The following PMP22 variants were observed in gnomAD, a reference collection of about 807,000 sequenced individuals.
PMP22 encodes the protein Charcot-Marie-Tooth neuropathy 1A (greatly reduced nerve conduction velocity, hereditary motor sensory neuropathy Ia).
A neutral mutation model predicts 18.9 loss-of-function variants in PMP22; 2 were observed. The ratio of observed to expected loss-of-function variants is 0.11; its 90% CI spans 0.04 to 0.33. PMP22 has a LOEUF of 0.33. Among genes scored for constraint, PMP22 ranks in the 10% least tolerant of loss-of-function variants. The pLI, the probability that PMP22 is intolerant of heterozygous loss-of-function variation, is 1.00. For missense variants in PMP22, 169 were observed against 202.2 expected, an observed-to-expected ratio of 0.84 and a Z score of 1.00; for synonymous variants, 95 against 89.2, an observed-to-expected ratio of 1.07 and a Z score of -0.37.
In PMP22 at chr17:15,235,901, C is replaced by T. The variant is rs577910080; in HGVS notation, c.319+3570G>A. 7.9e-5 allele frequency among the ~76,000 whole-genome samples: 12 copies of T among 152,052 alleles called. No homozygotes were observed. The South Asian group carries it at 1.7e-3, about 21-fold the overall frequency. ...TCCCAAGTAGCTGGGACTACAGGCACGCACCACCACGCCTGGCTATTTTTT... is the reference window on the plus strand; with the variant it reads ...TCCCAAGTAGCTGGGACTACAGGCATGCACCACCACGCCTGGCTATTTTTT... On this transcript the variant is annotated intron_variant, in intron 4 of 4. Coordinates refer to ENST00000312280, the MANE Select transcript of PMP22 (RefSeq NM_000304.4).
intron 2 of PMP22, chr17:15,260,370 A>G (rs992791440): frequency 2.0e-6 from 1 of 509,882 alleles, no homozygotes; most frequent in African/African-American, 1.9e-5. Context: ...CAATCTTGTC[A>G]AATGAAGGTC....
intron 3 of PMP22, among the ~76,000 whole-genome samples, chr17:15,241,507 C>G (rs1299795095): frequency 6.6e-6 from 1 of 152,140 alleles, no homozygotes. Context: ...GAGACAATAT[C>G]TTAGATTTCC....
Position 15,260,811 on chromosome 17 carries a change from G to A in PMP22, c.-34-50C>T, listed in dbSNP as rs973880619. 6 of 1,256,104 alleles carry A rather than the reference G, an allele frequency of 4.8e-6. No individual in the cohort carries two copies. The East Asian group carries it at 1.0e-4, about 21-fold the overall frequency. The allele number at this position is 1,256,104 out of a possible 1,614,324, so 77.8% of individuals were successfully genotyped here. ...GGCCGAACGCACTGGGCCGAGCGAC[G>A]GAGGCGCGCGCAGAGGGAGGGTCCC... On this transcript the variant is annotated intron_variant, in intron 1 of 4. Coordinates refer to ENST00000312280, the MANE Select transcript of PMP22 (RefSeq NM_000304.4).
intron 3 of PMP22, among the ~76,000 whole-genome samples, chr17:15,244,498 A>T (rs1287902814): frequency 1.3e-5 from 2 of 152,348 alleles, no homozygotes; most frequent in African/African-American, 2.4e-5. Flanking sequence ...TCCTGGAAAA[A>T]CAGTGAACAT....
At chr17:15,242,231 C>A (rs56857955) in intron 3 of PMP22, among the ~76,000 whole-genome samples, 7,861 of 117,678 alleles carry the variant, frequency 0.067, 665 homozygotes, top group African/African-American at 0.21. Context: ...CCAGCCTGGG[C>A]ACAGAGAGAG....
chr17:15,260,318 C>T, intron 2 of PMP22: 1 of 364,618 alleles, frequency 2.7e-6, no homozygotes, highest in Admixed American at 3.8e-5. Flanking sequence ...ATAAATACTC[C>T]TCTTCTTCAA....
At position 15,236,368 on chromosome 17, in the gene PMP22, G is replaced by A. The variant is rs145707388; in HGVS notation, c.319+3103C>T. The stretch of plus-strand genomic sequence containing the variant: ...TCATGTGCTTTTCCTGAAAGCTGAT[G>A]TGTGCCATCCATAAAGATCACAGCT... On this transcript the variant is annotated intron_variant, in intron 4 of 4. Transcript: ENST00000312280. 2.7e-3 allele frequency among the ~76,000 whole-genome samples: 408 copies of A among 152,230 alleles called. 2 individuals are homozygous for A. The highest frequency in any genetic ancestry group is 9.0e-3 in the African/African-American group (375 of 41,544).
At chr17:15,249,527 T>A (rs1439121171) in intron 3 of PMP22, among the ~76,000 whole-genome samples, 3 of 152,188 alleles carry the variant, frequency 2.0e-5, no homozygotes, top group African/African-American at 7.2e-5. Flanking sequence ...AGACTTAGAA[T>A]CCACAAAAAC....
At chr17:15,243,987 A>G (rs534533123) in intron 3 of PMP22, among the ~76,000 whole-genome samples, 1 of 152,164 alleles carries the variant, frequency 6.6e-6, no homozygotes, top group Admixed American at 6.5e-5. Flanking sequence ...GGGGAAAAAT[A>G]CAACAGACAA....
At chr17:15,242,307 A>G (rs1042208352) in intron 3 of PMP22, among the ~76,000 whole-genome samples, 1 of 151,522 alleles carries the variant, frequency 6.6e-6, no homozygotes, top group Non-Finnish European at 1.5e-5. Flanking sequence ...CTAATATAAT[A>G]GATACACCTA....
At chr17:15,248,983 G>T (rs1399749365) in intron 3 of PMP22, among the ~76,000 whole-genome samples, 1 of 152,194 alleles carries the variant, frequency 6.6e-6, no homozygotes, top group Non-Finnish European at 1.5e-5. Context: ...TTAGTTTTAA[G>T]ATCTTCAGGT....
At chr17:15,257,151 C>T (rs561836370) in intron 3 of PMP22, among the ~76,000 whole-genome samples, 1 of 152,276 alleles carries the variant, frequency 6.6e-6, no homozygotes, top group South Asian at 2.1e-4. Context: ...ATGAGCTTGG[C>T]ACAGAAGGAA....
chr17:15,247,098 C>T (rs1179610358), intron 3 of PMP22, among the ~76,000 whole-genome samples: 2 of 125,228 alleles, frequency 1.6e-5, no homozygotes, highest in South Asian at 2.7e-4. Flanking sequence ...GGCCGGGCGC[C>T]GTGGCTCACA....
chr17:15,252,157 T>C (rs936537732), intron 3 of PMP22, among the ~76,000 whole-genome samples: 2 of 152,122 alleles, frequency 1.3e-5, no homozygotes, highest in Non-Finnish European at 2.9e-5. Flanking sequence ...CCGTGTTTTC[T>C]AAAATCTGGC....
intron 3 of PMP22, among the ~76,000 whole-genome samples, chr17:15,248,869 G>T (rs1362776529): frequency 1.3e-5 from 2 of 152,158 alleles, no homozygotes; most frequent in East Asian, 1.9e-4. Flanking sequence ...TAAAAGAAGA[G>T]CTCACTTAAA....
At chr17:15,236,894 C>A (rs1044892242) in intron 4 of PMP22, among the ~76,000 whole-genome samples, 2 of 152,194 alleles carry the variant, frequency 1.3e-5, no homozygotes, top group Non-Finnish European at 2.9e-5. Context: ...CTCAGATGAT[C>A]TTGACTGGGA....
chr17:15,250,999 C>T (rs1908293016), intron 3 of PMP22, among the ~76,000 whole-genome samples: 1 of 152,184 alleles, frequency 6.6e-6, no homozygotes, highest in African/African-American at 2.4e-5. Context: ...CACTCTTCTG[C>T]TTAAAACCCT....
intron 3 of PMP22, among the ~76,000 whole-genome samples, chr17:15,254,193 G>A (rs189389135): frequency 6.6e-5 from 10 of 152,282 alleles, no homozygotes; most frequent in Non-Finnish European, 1.2e-4. Context: ...ACCAATGAAC[G>A]GCCTCTGAAA....
chr17:15,259,229 G>T, intron 2 of PMP22, 36 bp from the exon 3 acceptor site: 1 of 1,524,264 alleles, frequency 6.6e-7, no homozygotes, highest in Non-Finnish European at 9.1e-7. Context: ...GAGTCAGGGA[G>T]GGAGGGAGGA....
Sources: allele counts gnomAD v4.1 joint callset (sites outside exome capture counted in the v4.1 genomes callset), GRCh38; gene constraint gnomAD v4.1.1; transcripts MANE v1.5; gene names NCBI Gene and HGNC (gene_info 2026-07-23, HGNC 2026-07-21).